Variants in ARHGAP20 observed in about 807,000 individuals in gnomAD.
ARHGAP20 encodes the protein Rho GTPase activating protein 20.
Under a neutral mutation model 73.7 loss-of-function variants are expected in ARHGAP20, and 34 were observed. The ratio of observed to expected loss-of-function variants is 0.46; its 90% CI spans 0.35 to 0.61. The LOEUF (loss-of-function observed/expected upper bound fraction) is 0.61. Among genes scored for constraint, ARHGAP20 ranks in the 20% least tolerant of loss-of-function variants. The probability of loss-of-function intolerance (pLI) is 0.00; values close to 1 mark genes in which losing one functional copy is unlikely to be tolerated. For synonymous variants in ARHGAP20, 523 were observed against 518.2 expected (o/e 1.01, Z -0.13); for missense variants, 1,314 against 1,420.9 (o/e 0.92, Z 1.21).
intron 2 of ARHGAP20, among the ~76,000 whole-genome samples, chr11:110,684,158 T>C (rs151178772): frequency 8.8e-4 from 134 of 152,026 alleles, no homozygotes; most frequent in African/African-American, 3.1e-3. Context: ...ATGTTATTTA[T>C]GAAGAGTTAG....
chr11:110,706,793 T>C (rs1261715684), intron 1 of ARHGAP20, among the ~76,000 whole-genome samples: 2 of 152,118 alleles, frequency 1.3e-5, no homozygotes, highest in Non-Finnish European at 1.5e-5. Flanking sequence ...TCCTGATTAA[T>C]CTAATTTTAT....
intron 13 of ARHGAP20, among the ~76,000 whole-genome samples, chr11:110,583,130 T>C (rs1326917980): frequency 6.6e-6 from 1 of 152,214 alleles, no homozygotes; most frequent in Non-Finnish European, 1.5e-5. Flanking sequence ...GAGTGTGATT[T>C]CAAGTAACTA....
In ARHGAP20 at chr11:110,583,548, C is replaced by CT; in HGVS notation, c.1604dup (p.Val536GlyfsTer10). ...GCATAAAAATGAAAAACTTCATTAC[C>CT]TTTTTTGTAAATTCGTTTTCTAGTT... On this transcript the variant is annotated frameshift_variant and splice_region_variant, in exon 13 of 15. Transcript: ENST00000683387. LOFTEE classifies it high-confidence loss of function. 6 of 1,589,626 alleles carry CT rather than the reference C, an allele frequency of 3.8e-6. No individual in the cohort carries two copies. Among genetic ancestry groups the CT allele is most frequent in the South Asian group, 2.3e-5 (2 of 87,474 alleles).
intron 5 of ARHGAP20, among the ~76,000 whole-genome samples, chr11:110,614,981 A>G (rs1164573892): frequency 2.6e-5 from 4 of 152,150 alleles, no homozygotes; most frequent in Non-Finnish European, 2.9e-5. Context: ...CATATATAAT[A>G]AATATTTTAC....
At chr11:110,696,349 T>G (rs1950335284) in intron 1 of ARHGAP20, among the ~76,000 whole-genome samples, 1 of 151,696 alleles carries the variant, frequency 6.6e-6, no homozygotes, top group Non-Finnish European at 1.5e-5. Context: ...CAAAGAAACC[T>G]AACTACCAAA....
At chr11:110,653,772 C>T (rs1222559211) in intron 2 of ARHGAP20, among the ~76,000 whole-genome samples, 2 of 152,128 alleles carry the variant, frequency 1.3e-5, no homozygotes, top group African/African-American at 4.8e-5. Flanking sequence ...TACATGCACA[C>T]ATACTTTTAT....
At chr11:110,623,484 A>T (rs1024772446) in intron 4 of ARHGAP20, among the ~76,000 whole-genome samples, 2 of 152,198 alleles carry the variant, frequency 1.3e-5, no homozygotes. Flanking sequence ...GCATAGGAGC[A>T]TGTCTTGGGA....
chr11:110,695,906 G>A (rs894703454), intron 1 of ARHGAP20, among the ~76,000 whole-genome samples: 8 of 151,412 alleles, frequency 5.3e-5, no homozygotes, highest in Non-Finnish European at 1.0e-4. Flanking sequence ...GTAAAAACGT[G>A]GCAACATCAC....
In ARHGAP20 at chr11:110,578,957, T is replaced by C. The variant is rs1947357934; in HGVS notation, c.*413A>G. The C allele has an allele frequency of 1.0e-6, 1 of 987,604 alleles. No homozygotes were observed. Among genetic ancestry groups the C allele is most frequent in the Non-Finnish European group, 1.2e-6 (1 of 831,448 alleles). The allele number at this position is 987,604 out of a possible 1,614,324, so 61.2% of individuals were successfully genotyped here. The stretch of plus-strand genomic sequence containing the variant: ...TTGCCTACTTATTAAAAACATTCCA[T>C]GGAATGTAGATGGTTTCTCTGTACC... On this transcript the variant is annotated 3_prime_UTR_variant, in exon 15 of 15. Transcript: ENST00000683387.
intron 2 of ARHGAP20, among the ~76,000 whole-genome samples, chr11:110,634,976 G>C (rs566129519): frequency 3.3e-5 from 5 of 151,928 alleles, no homozygotes; most frequent in African/African-American, 7.2e-5. Context: ...TAAATGAGGA[G>C]CTCAAAGAAC....
At chr11:110,660,054 T>TAAAAAAAAAA (rs1167649739) in intron 2 of ARHGAP20, among the ~76,000 whole-genome samples, 1 of 47,268 alleles carries the variant, frequency 2.1e-5, no homozygotes, top group African/African-American at 1.0e-4. Context: ...TAAAGTATAA[T>TAAAAAAAAAA]AAAAAACAAA....
intron 9 of ARHGAP20, among the ~76,000 whole-genome samples, chr11:110,605,470 G>C (rs1029139770): frequency 1.3e-5 from 2 of 152,192 alleles, no homozygotes; most frequent in Non-Finnish European, 2.9e-5. Context: ...AAATGCATTA[G>C]AGAAGGTTCT....
In ARHGAP20 at chr11:110,611,337, T is replaced by G. The variant is rs145056310; in HGVS notation, c.680A>C (p.Asn227Thr). The G allele has an allele frequency of 1.3e-6, 2 of 1,572,184 alleles. No homozygotes were observed. Among genetic ancestry groups the G allele is most frequent in the Non-Finnish European group, 1.7e-6 (2 of 1,156,182 alleles). Reference protein sequence around the residue: ...MNSDTANEVINMSLPMLGITG... With the variant: ...MNSDTANEVITMSLPMLGITG... ...TATCCCTAGCATTGGTAATGACATG[T>G]TGATAACTTCATTCGCTGTATCTGA... Residue 227 changes from asparagine (N) to threonine (T), a missense_variant, in exon 7 of 15, where the codon AAC becomes ACC. Asn to Thr is a moderately conservative substitution (Grantham distance 65, BLOSUM62 0). Transcript: ENST00000683387.
At chr11:110,651,837 C>T (rs1949362688) in intron 2 of ARHGAP20, among the ~76,000 whole-genome samples, 1 of 151,896 alleles carries the variant, frequency 6.6e-6, no homozygotes, top group Non-Finnish European at 1.5e-5. Flanking sequence ...CATTTCTTCT[C>T]GACCTATTCC....
At chr11:110,673,607 A>G (rs1949872055) in intron 2 of ARHGAP20, among the ~76,000 whole-genome samples, 1 of 152,188 alleles carries the variant, frequency 6.6e-6, no homozygotes, top group African/African-American at 2.4e-5. Context: ...TAATTTATAG[A>G]AAGAATTGTT....
rs774041818 is a variant in ARHGAP20, at chr11:110,580,771, C to A, written c.2175G>T (p.Lys725Asn). 6.2e-7 allele frequency: 1 copy of A among 1,613,728 alleles called. No individual in the cohort carries two copies. Among genetic ancestry groups the A allele is most frequent in the African/African-American group, 1.3e-5 (1 of 74,804 alleles). The change falls in exon 15 of 15, where the codon AAG becomes AAT. Residue 725 changes from lysine (K) to asparagine (N), a missense_variant. Lys to Asn is a moderately conservative substitution (Grantham distance 94). Coordinates refer to ENST00000683387, the MANE Select transcript of ARHGAP20 (RefSeq NM_001384657.1). ...LSYLREFYQK[K>N]LRKSSCDAIL... is the part of the protein sequence containing the mutation. ...TTGCATCACAGCTGGACTTGCGTAG[C>A]TTTTTCTGATAAAACTCCCTGAGGT...
intron 9 of ARHGAP20, among the ~76,000 whole-genome samples, chr11:110,597,368 G>A (rs1947995631): frequency 1.3e-5 from 2 of 151,386 alleles, no homozygotes; most frequent in South Asian, 4.2e-4. Flanking sequence ...GTCTAGCAAG[G>A]TCAATCTATG....
Position 110,577,430 on chromosome 11 carries a change from T to G in ARHGAP20, c.*1940A>C, listed in dbSNP as rs1947314615. The G allele has an allele frequency of 1.8e-6, 2 of 1,102,724 alleles. No individual in the cohort carries two copies. The highest frequency in any genetic ancestry group is 3.3e-5 in the African/African-American group (2 of 61,294). 68.3% of individuals were successfully genotyped at this position (1,102,724 alleles called of 1,614,324 possible). ...AAAAACCTCAGCAACTATTTTCTTC[T>G]ATGCTTCAAATTGGGTGAATGATTT... On this transcript the variant is annotated 3_prime_UTR_variant, in exon 15 of 15. Coordinates refer to ENST00000683387, the MANE Select transcript of ARHGAP20 (RefSeq NM_001384657.1).
At chr11:110,700,697 T>C (rs997876617) in intron 1 of ARHGAP20, among the ~76,000 whole-genome samples, 5 of 151,552 alleles carry the variant, frequency 3.3e-5, no homozygotes, top group Non-Finnish European at 7.4e-5. Context: ...CACTAACTTG[T>C]CATCTAGCAT....
Sources: gnomAD v4.1 joint callset for allele counts (sites outside exome capture counted in the v4.1 genomes callset) on GRCh38, gnomAD v4.1.1 for gene constraint, MANE v1.5 for transcripts, NCBI Gene and HGNC (gene_info 2026-07-23, HGNC 2026-07-21) for gene names.